Variants in MUCL3 observed in about 807,000 individuals in gnomAD.
The protein encoded by MUCL3 is mucin-like protein 3.
In MUCL3, 42 loss-of-function variants were observed where a neutral mutation model predicts 70.2. The observed-to-expected ratio is 0.60, with a 90% CI of 0.47 to 0.77. The LOEUF is 0.77. MUCL3 is among the 30% of genes least tolerant of loss of function. MUCL3 has a pLI of 0.00. For synonymous variants in MUCL3, 522 were observed against 647.0 expected (o/e 0.81, Z 2.93); for missense variants, 1,429 against 1,670.0 (o/e 0.86, Z 2.52).
In MUCL3 at chr6:30,949,389, GAA is replaced by G; in HGVS notation, c.927_928del (p.Arg310AspfsTer4). 2.6e-6 allele frequency: 4 copies of G among 1,547,544 alleles called. No individual in the cohort carries two copies. The highest frequency in any genetic ancestry group is 3.5e-6 in the Non-Finnish European group (4 of 1,143,870). The stretch of plus-strand genomic sequence containing the variant: ...CCCAGCAGAGCCTACAGAAAATAGA[GAA>G]AGGACAGCCAATGAGAACACCACAC... ...PSPAEPTENR[E>X]RTANENTTLS... On this transcript the variant is annotated frameshift_variant, in exon 2 of 3. Transcript: ENST00000462446. LOFTEE classifies it high-confidence loss of function.
At chr6:30,944,091 G>A (rs569926588) in intron 1 of MUCL3, among the ~76,000 whole-genome samples, 11 of 152,164 alleles carry the variant, frequency 7.2e-5, no homozygotes, top group Non-Finnish European at 1.2e-4. Flanking sequence ...ATTTATGGGG[G>A]TAAGGATACC....
chr6:30,942,293 G>C (rs1582242855), intron 1 of MUCL3, among the ~76,000 whole-genome samples: 1 of 102,982 alleles, frequency 9.7e-6, no homozygotes, highest in South Asian at 2.4e-4. Flanking sequence ...TCAAGAAACG[G>C]ACTGCTACTG....
rs1269564015 is a variant in MUCL3, at chr6:30,948,578, T to C, written c.114T>C (p.Thr38=). 1.2e-5 allele frequency: 19 copies of C among 1,539,420 alleles called. No individual in the cohort carries two copies. The Middle Eastern group carries it at 6.8e-4, about 55-fold the overall frequency. Reference sequence around the variant, plus strand: ...CTACATTCCAAGAATATCAGAAAACTGGGGAACTCTCAACATCCGATCACA... The same window carrying C: ...CTACATTCCAAGAATATCAGAAAACCGGGGAACTCTCAACATCCGATCACA... The part of the protein sequence containing the change: ...GATTFQEYQK[T]GELSTSDHIF... The change falls in exon 2 of 3, where the codon ACT becomes ACC. Residue 38 remains threonine (T), a synonymous_variant. Coordinates refer to ENST00000462446, the MANE Select transcript of MUCL3 (RefSeq NM_080870.4).
Position 30,952,487 on chromosome 6 carries a change from C to G in MUCL3, c.4023C>G (p.Gly1341=). Residue 1341 remains glycine (G), a synonymous_variant, in exon 2 of 3, where the codon GGC becomes GGG. Transcript: ENST00000462446. Reference sequence around the variant, plus strand: ...TGATTCTCCTCCTGGTGTTCCTTGGCCTGATCTTCTTGGTAAGGGACAGAT... The same window carrying G: ...TGATTCTCCTCCTGGTGTTCCTTGGGCTGATCTTCTTGGTAAGGGACAGAT... ...VAVILLLVFL[G]LIFLVSYMMR... is the part of the protein sequence containing the mutation. 6.3e-7 allele frequency: 1 copy of G among 1,599,722 alleles called. No individual in the cohort carries two copies. Among genetic ancestry groups the G allele is most frequent in the Non-Finnish European group, 8.5e-7 (1 of 1,173,802 alleles).
In MUCL3 at chr6:30,949,123, A is replaced by T; in HGVS notation, c.659A>T (p.Gln220Leu). ...AACTCAGGCAATTCACAGACCAAGC[A>T]AAAAAGCACATCTTTTCCAGAAAAA... ...FHNSGNSQTK[Q>L]KSTSFPEKIT... is the part of the protein sequence containing the mutation. The change falls in exon 2 of 3, where the codon CAA becomes CTA. Residue 220 changes from glutamine to leucine, a missense_variant. Transcript: ENST00000462446. The T allele has an allele frequency of 1.9e-6, 3 of 1,551,396 alleles. No individual in the cohort carries two copies. Among genetic ancestry groups the T allele is most frequent in the Non-Finnish European group, 2.6e-6 (3 of 1,146,936 alleles).
Position 30,953,356 on chromosome 6 carries a change from G to C in MUCL3, c.*239G>C. 1 of 608,838 alleles carries C rather than the reference G, an allele frequency of 1.6e-6. No individual in the cohort carries two copies. The highest frequency in any genetic ancestry group is 2.8e-6 in the Non-Finnish European group (1 of 353,072). The allele number at this position is 608,838 out of a possible 1,614,324, so 37.7% of individuals were successfully genotyped here. On this transcript the variant is annotated 3_prime_UTR_variant, in exon 3 of 3. Coordinates refer to ENST00000462446, the MANE Select transcript of MUCL3 (RefSeq NM_080870.4). ...ATAATACGAGCAGACATTCTCTGTA[G>C]AAGGTAATGGTCTGAGAATGAAAAG... is the stretch of plus-strand genomic sequence containing the variant.
intron 1 of MUCL3, among the ~76,000 whole-genome samples, chr6:30,944,558 AG>A (rs1157227633): frequency 6.6e-6 from 1 of 152,208 alleles, no homozygotes. Flanking sequence ...TGCAGGTATA[AG>A]GCACTGTGCC....
chr6:30,951,446 C>T lies in MUCL3; in HGVS notation c.2982C>T (p.Thr994=). The T allele has an allele frequency of 6.4e-7, 1 of 1,551,000 alleles. No individual in the cohort carries two copies. The highest frequency in any genetic ancestry group is 8.7e-7 in the Non-Finnish European group (1 of 1,146,906). The part of the protein sequence containing the change: ...GERTPLANEN[T]TTSPTESTEH... ...GGACCCCACTGGCCAATGAGAACAC[C>T]ACAACATCCCCAACAGAGTCTACAG... The change falls in exon 2 of 3, where the codon ACC becomes ACT. Residue 994 remains threonine (T), a synonymous_variant. Transcript: ENST00000462446.
chr6:30,951,777 A>G lies in MUCL3; in HGVS notation c.3313A>G (p.Thr1105Ala), dbSNP rs561799201. 227 of 1,557,028 alleles carry G rather than the reference A, an allele frequency of 1.5e-4. No homozygotes were observed. The highest frequency in any genetic ancestry group is 1.7e-4 in the Non-Finnish European group (200 of 1,150,472). Residue 1105 changes from threonine (T) to alanine (A), a missense_variant, in exon 2 of 3, where the codon ACA becomes GCA. Transcript: ENST00000462446. ...EKITPSLAKPTEHGERTTSPN... is the reference protein window; with the variant it reads ...EKITPSLAKPAEHGERTTSPN... Reference sequence around the variant, plus strand: ...GATCACACCATCCCTAGCAAAGCCTACAGAACATGGAGAAAGGACCACATC... The same window carrying G: ...GATCACACCATCCCTAGCAAAGCCTGCAGAACATGGAGAAAGGACCACATC...
At chr6:30,942,673 C>T (rs1368152181) in intron 1 of MUCL3, among the ~76,000 whole-genome samples, 1 of 152,224 alleles carries the variant, frequency 6.6e-6, no homozygotes, top group African/African-American at 2.4e-5. Context: ...CACCTCCCGG[C>T]CCCATCTCTC....
At chr6:30,945,619 C>T (rs1372991023) in intron 1 of MUCL3, among the ~76,000 whole-genome samples, 1 of 151,938 alleles carries the variant, frequency 6.6e-6, no homozygotes, top group Non-Finnish European at 1.5e-5. Flanking sequence ...TGCACTCCAG[C>T]CTGGTGCAGA....
chr6:30,953,622 C>A lies in MUCL3; in HGVS notation c.*505C>A. ...TCTGAGTTCTCAGGACCCTTGCCCC[C>A]ACCCCCATTTTTTTAATGAAAAAAA... On this transcript the variant is annotated 3_prime_UTR_variant, in exon 3 of 3. Coordinates refer to ENST00000462446, the MANE Select transcript of MUCL3 (RefSeq NM_080870.4). 1 of 130,168 alleles carries A rather than the reference C, an allele frequency of 7.7e-6. No individual in the cohort carries two copies. 8.1% of individuals were successfully genotyped at this position (130,168 alleles called of 1,614,324 possible).
chr6:30,944,637 G>A (rs9501035), intron 1 of MUCL3, among the ~76,000 whole-genome samples: 31,178 of 152,106 alleles, frequency 0.2, 4,062 homozygotes, highest in East Asian at 0.56. Flanking sequence ...ACTGTGCATC[G>A]TTTTGATGTT....
chr6:30,944,833 C>A (rs1582248010), intron 1 of MUCL3, among the ~76,000 whole-genome samples: 1 of 152,348 alleles, frequency 6.6e-6, no homozygotes, highest in African/African-American at 2.4e-5. Context: ...AAATAAGTCA[C>A]TACCAAAGTA....
chr6:30,951,916 G>A lies in MUCL3; in HGVS notation c.3452G>A (p.Arg1151Lys). 6.2e-7 allele frequency: 1 copy of A among 1,613,322 alleles called. No homozygotes were observed. The highest frequency in any genetic ancestry group is 8.5e-7 in the Non-Finnish European group (1 of 1,179,824). ...GCAGAGCCTATAAAACATGCAAAAA[G>A]GACCACATTGGCCCATGAGAAGATG... ...APAEPIKHAK[R>K]TTLAHEKMTQ... The change falls in exon 2 of 3, where the codon AGG (arginine) becomes AAG (lysine). Residue 1151 changes from arginine (R) to lysine (K), a missense_variant. Transcript: ENST00000462446.
rs980764480 is a variant in MUCL3 at position 30,941,027 on chromosome 6, T to C, written c.28T>C (p.Ser10Pro). MAQPVHSLCSAFGLQCCLLF... is the reference protein window; with the variant it reads MAQPVHSLCPAFGLQCCLLF... ...GGCCCAGCCGGTCCACAGCCTCTGC[T>C]CCGCCTTTGGCCTCCAGTGCTGCCT... is the stretch of plus-strand genomic sequence containing the variant. The change falls in exon 1 of 3, where the codon TCC (serine) becomes CCC (proline). Residue 10 changes from serine (S) to proline (P), a missense_variant. Physicochemically the swap from Ser to Pro is moderately conservative, Grantham distance 74 (BLOSUM62 -1). Coordinates refer to ENST00000462446, the MANE Select transcript of MUCL3 (RefSeq NM_080870.4). The C allele has an allele frequency of 1.9e-6, 3 of 1,550,348 alleles. No individual in the cohort carries two copies. The highest frequency in any genetic ancestry group is 2.7e-5 in the African/African-American group (2 of 73,050).
chr6:30,948,497 T>A, intron 1 of MUCL3, 50 bp from the exon 2 acceptor site: 1 of 1,365,962 alleles, frequency 7.3e-7, no homozygotes, highest in Non-Finnish European at 9.7e-7. Context: ...GAAGGGGGAG[T>A]TGGAGAAGAA....
chr6:30,948,275 G>A (rs1045157238), intron 1 of MUCL3, among the ~76,000 whole-genome samples: 1 of 152,252 alleles, frequency 6.6e-6, no homozygotes, highest in Non-Finnish European at 1.5e-5. Context: ...TATCTGCTTA[G>A]ACGGATCAGA....
At position 30,945,113 on chromosome 6, in the gene MUCL3, A is replaced by G. The variant is rs147903389; in HGVS notation, c.83-3434A>G. 1.1e-4 allele frequency among the ~76,000 whole-genome samples: 16 copies of G among 152,334 alleles called. No homozygotes were observed. The East Asian group carries it at 3.1e-3, about 29-fold the overall frequency. On this transcript the variant is annotated intron_variant, in intron 1 of 2. Transcript: ENST00000462446. ...CGTCTTTTAATCTCAGAGCTCAATT[A>G]CTGAACAGCGGAAGTCGCCCTTGGT... is the stretch of plus-strand genomic sequence containing the variant.
Sources: allele counts gnomAD v4.1 joint callset (sites outside exome capture counted in the v4.1 genomes callset), GRCh38; gene constraint gnomAD v4.1.1; transcripts MANE v1.5; gene names NCBI Gene and HGNC (gene_info 2026-07-23, HGNC 2026-07-21).